RTN3: variants seen among roughly 807,000 people sequenced by gnomAD.
RTN3 encodes reticulon 3.
In RTN3, 49 loss-of-function variants were observed where a neutral mutation model predicts 77.8. The observed-to-expected ratio is 0.63, with a 90% CI of 0.50 to 0.80. The LOEUF (loss-of-function observed/expected upper bound fraction) is 0.80. RTN3 is among the 30% of genes least tolerant of loss of function. The pLI, the probability that RTN3 is intolerant of heterozygous loss-of-function variation, is 0.00. For missense variants in RTN3, 1,236 were observed against 1,211.9 expected (o/e 1.02, Z -0.29); for synonymous variants, 464 against 446.9 (o/e 1.04, Z -0.48).
intron 7 of RTN3, among the ~76,000 whole-genome samples, chr11:63,755,519 C>T (rs761758609): frequency 2.6e-5 from 4 of 151,636 alleles, no homozygotes; most frequent in South Asian, 2.1e-4. Flanking sequence ...GGCATGGTGG[C>T]GCATGCCTGT....
In RTN3 at chr11:63,759,474, G is replaced by A. The variant is rs2014557799; in HGVS notation, c.*1273G>A. 1 of 152,620 alleles carries A rather than the reference G, an allele frequency of 6.6e-6. No individual in the cohort carries two copies. Among genetic ancestry groups the A allele is most frequent in the Admixed American group, 6.5e-5 (1 of 15,268 alleles). The allele number at this position is 152,620 out of a possible 1,614,324, so 9.5% of individuals were successfully genotyped here. ...GGAAAAATTAGTTAGGAATTTGGAT[G>A]GGTAAAAGGTACCCTTGCCTTACTC... On this transcript the variant is annotated 3_prime_UTR_variant, in exon 9 of 9. Transcript: ENST00000377819.
intron 3 of RTN3, among the ~76,000 whole-genome samples, chr11:63,737,330 G>T (rs558254749): frequency 2.0e-5 from 3 of 152,298 alleles, no homozygotes; most frequent in African/African-American, 7.2e-5. Flanking sequence ...TTGATGGCCA[G>T]GCATGCCGGT....
intron 2 of RTN3, among the ~76,000 whole-genome samples, chr11:63,709,440 C>T (rs1160853307): frequency 6.6e-6 from 1 of 152,024 alleles, no homozygotes; most frequent in Non-Finnish European, 1.5e-5. Flanking sequence ...ATCCATCCAC[C>T]ATGCCGCATT....
chr11:63,719,617 C>T lies in RTN3; in HGVS notation c.1115C>T (p.Ser372Leu). The change falls in exon 3 of 9, where the codon TCA (serine) becomes TTA (leucine). Residue 372 changes from serine to leucine, a missense_variant. Coordinates refer to ENST00000377819, the MANE Select transcript of RTN3 (RefSeq NM_001265589.2). ...GGACTTGACATGAGTGAATATAATT[C>T]AGAAATTCCAGTTGTAAATCTTAAA... ...TTGLDMSEYN[S>L]EIPVVNLKTS... 1 of 1,613,612 alleles carries T rather than the reference C, an allele frequency of 6.2e-7. No individual in the cohort carries two copies. Among genetic ancestry groups the T allele is most frequent in the Non-Finnish European group, 8.5e-7 (1 of 1,179,914 alleles).
intron 7 of RTN3, among the ~76,000 whole-genome samples, chr11:63,754,206 C>CA (rs2014246668): frequency 6.6e-6 from 1 of 152,150 alleles, no homozygotes; most frequent in African/African-American, 2.4e-5. Flanking sequence ...ACAGAGGTTG[C>CA]AGTGAGCCGA....
At chr11:63,712,611 G>A (rs1024220460) in intron 2 of RTN3, among the ~76,000 whole-genome samples, 1 of 150,482 alleles carries the variant, frequency 6.6e-6, no homozygotes, top group Non-Finnish European at 1.5e-5. Flanking sequence ...TCAGTCTCCC[G>A]AGTAGCTGGG....
chr11:63,721,045 A>T lies in RTN3; in HGVS notation c.2530+13A>T. 1 of 1,566,428 alleles carries T rather than the reference A, an allele frequency of 6.4e-7. No homozygotes were observed. The highest frequency in any genetic ancestry group is 1.4e-5 in the African/African-American group (1 of 73,364). On this transcript the variant is annotated intron_variant, in intron 3 of 8. Coordinates refer to ENST00000377819, the MANE Select transcript of RTN3 (RefSeq NM_001265589.2). ...ACAGACTTCTCAGGTAACCATTTAT[A>T]TTAGAATACTGCATGTGGTTAATTC...
intron 2 of RTN3, among the ~76,000 whole-genome samples, chr11:63,717,252 AGT>A: frequency 1.3e-5 from 2 of 152,116 alleles, no homozygotes; most frequent in South Asian, 4.1e-4. Context: ...AATTTGTTAG[AGT>A]GGGAAGTTAG....
At chr11:63,725,240 T>C (rs1429654264) in intron 3 of RTN3, among the ~76,000 whole-genome samples, 1 of 152,200 alleles carries the variant, frequency 6.6e-6, no homozygotes, top group Admixed American at 6.5e-5. Flanking sequence ...ATTCATGTTA[T>C]CATGTTTGTT....
At chr11:63,748,152 CA>C (rs1194315983) in intron 3 of RTN3, among the ~76,000 whole-genome samples, 16 of 140,348 alleles carry the variant, frequency 1.1e-4, no homozygotes, top group Non-Finnish European at 7.8e-5. Flanking sequence ...GACTGTGTCT[CA>C]AAAAAAAAAA....
upstream of RTN3, chr11:63,681,461 C>T: frequency 3.4e-6 from 2 of 595,106 alleles, no homozygotes; most frequent in Non-Finnish European, 5.1e-6. Context: ...CATGCGCGCT[C>T]GCGCTCCCGC....
rs754735006 is a variant in RTN3 at position 63,718,819 on chromosome 11, A to G, written c.317A>G (p.His106Arg). The change falls in exon 3 of 9, where the codon CAT (histidine) becomes CGT (arginine). Residue 106 changes from histidine to arginine, a missense_variant. Transcript: ENST00000377819. ...ACAATACTACATGGAGAAAAAAGCCATGTGTTAGGGAGCCAGCCTATTTTA... is the reference window on the plus strand; with the variant it reads ...ACAATACTACATGGAGAAAAAAGCCGTGTGTTAGGGAGCCAGCCTATTTTA... ...GLTILHGEKS[H>R]VLGSQPILAK... The G allele has an allele frequency of 1.9e-5, 31 of 1,614,046 alleles. No homozygotes were observed. In the East Asian group the frequency reaches 6.9e-4, roughly 36 times the overall value.
At chr11:63,744,211 G>A (rs941691096) in intron 3 of RTN3, among the ~76,000 whole-genome samples, 1 of 113,202 alleles carries the variant, frequency 8.8e-6, no homozygotes, top group South Asian at 3.1e-4. Flanking sequence ...CATTGCACTC[G>A]AGCCTGGCGA....
rs538600240 is a variant in RTN3, at chr11:63,733,728, A to G, written c.2530+12696A>G. On this transcript the variant is annotated intron_variant, in intron 3 of 8. Transcript: ENST00000377819. ...CTACCAACAAAAAAAAAAGGAAAAG[A>G]AAAATTAGCTGGGCGTGGTGGCGGT... 1.9e-4 allele frequency among the ~76,000 whole-genome samples: 29 copies of G among 151,250 alleles called. No homozygotes were observed. The South Asian group carries it at 5.7e-3, about 30-fold the overall frequency.
chr11:63,714,938 CT>C (rs566186007), intron 2 of RTN3, among the ~76,000 whole-genome samples: 529 of 152,286 alleles, frequency 3.5e-3, no homozygotes, highest in African/African-American at 0.012. Context: ...TAACTTGAAA[CT>C]TTTGGAGTAT....
At chr11:63,683,692 A>T (rs1941186350) in intron 1 of RTN3, among the ~76,000 whole-genome samples, 1 of 152,230 alleles carries the variant, frequency 6.6e-6, no homozygotes, top group Non-Finnish European at 1.5e-5. Context: ...ATTTAATGAC[A>T]TAACATATTT....
At chr11:63,735,829 C>T (rs1282407287) in intron 3 of RTN3, among the ~76,000 whole-genome samples, 1 of 151,984 alleles carries the variant, frequency 6.6e-6, no homozygotes, top group African/African-American at 2.4e-5. Flanking sequence ...AGCGCCTCAC[C>T]AATTCTAACA....
chr11:63,718,664 C>T, intron 2 of RTN3, 38 bp from the exon 3 acceptor site: 1 of 1,487,306 alleles, frequency 6.7e-7, no homozygotes. Context: ...GTAATTGTAC[C>T]TGGTAAACAA....
chr11:63,722,239 A>G (rs1162402436), intron 3 of RTN3, among the ~76,000 whole-genome samples: 1 of 152,208 alleles, frequency 6.6e-6, no homozygotes, highest in Non-Finnish European at 1.5e-5. Flanking sequence ...ATTTGATTAT[A>G]GATCTTTTAT....
Sources: gnomAD v4.1 joint callset for allele counts (sites outside exome capture counted in the v4.1 genomes callset) on GRCh38, gnomAD v4.1.1 for gene constraint, MANE v1.5 for transcripts, NCBI Gene and HGNC (gene_info 2026-07-23, HGNC 2026-07-21) for gene names.